USH2A: variants seen among roughly 807,000 people sequenced by gnomAD.
The protein encoded by USH2A is usherin.
Under a neutral mutation model 538.9 loss-of-function variants are expected in USH2A, and 443 were observed. The observed-to-expected ratio is 0.82, with a 90% CI of 0.76 to 0.89. USH2A has a LOEUF of 0.89. Ranked by LOEUF, USH2A falls within the 40% of genes least tolerant of loss-of-function variation. The pLI is 0.00. For synonymous variants in USH2A, 2,413 were observed against 2,273.5 expected (o/e 1.06, Z -1.75); for missense variants, 6,633 against 6,324.8 (o/e 1.05, Z -1.65).
intron 19 of USH2A, 85 bp from the exon 20 acceptor site, chr1:216,190,452 T>A: frequency 2.6e-6 from 4 of 1,547,766 alleles, no homozygotes; most frequent in Non-Finnish European, 2.6e-6. Context: ...CAAAGTTCCA[T>A]GAATTCAGAC....
intron 30 of USH2A, among the ~76,000 whole-genome samples, chr1:216,059,738 G>A (rs1392800569): frequency 1.3e-5 from 2 of 152,076 alleles, no homozygotes; most frequent in African/African-American, 4.8e-5. Flanking sequence ...TCTTGTAATT[G>A]AGAATTGGGT....
At chr1:216,052,365 A>G (rs2030817067) in intron 30 of USH2A, among the ~76,000 whole-genome samples, 1 of 57,482 alleles carries the variant, frequency 1.7e-5, no homozygotes, top group Non-Finnish European at 5.2e-5. Context: ...AAACAAAGGA[A>G]AAAAAAAAAA....
At position 215,759,957 on chromosome 1, in the gene USH2A, A is replaced by G. The variant is rs996006589; in HGVS notation, c.11048-114T>C. 2.0e-5 allele frequency: 24 copies of G among 1,210,566 alleles called. No homozygotes were observed. In the African/African-American group the frequency reaches 2.7e-4, roughly 14 times the overall value. The allele number at this position is 1,210,566 out of a possible 1,614,324, so 75.0% of individuals were successfully genotyped here. The stretch of plus-strand genomic sequence containing the variant: ...ATTTTTTCTGTTGATTTTAAAAAAT[A>G]TCTAACTGTATGGAACAAAAATACA... On this transcript the variant is annotated intron_variant, in intron 56 of 71. Coordinates refer to ENST00000307340, the MANE Select transcript of USH2A (RefSeq NM_206933.4).
At chr1:215,847,674 A>C (rs1470542543) in intron 44 of USH2A, among the ~76,000 whole-genome samples, 1 of 151,920 alleles carries the variant, frequency 6.6e-6, no homozygotes, top group African/African-American at 2.4e-5. Flanking sequence ...AAAAAGTTAA[A>C]CAGCATTAGT....
At chr1:215,841,865 C>CA (rs907021636) in intron 46 of USH2A, among the ~76,000 whole-genome samples, 10 of 151,304 alleles carry the variant, frequency 6.6e-5, no homozygotes, top group South Asian at 2.1e-4. Flanking sequence ...ACAACCCCAT[C>CA]AAAAAAAATG....
chr1:216,159,894 T>C (rs1418011534), intron 21 of USH2A, among the ~76,000 whole-genome samples: 1 of 152,086 alleles, frequency 6.6e-6, no homozygotes, highest in African/African-American at 2.4e-5. Flanking sequence ...ATTTGGAGAT[T>C]TTTCTCCCAT....
chr1:216,415,639 A>C (rs952591578), intron 3 of USH2A, among the ~76,000 whole-genome samples: 1 of 150,014 alleles, frequency 6.7e-6, no homozygotes, highest in Non-Finnish European at 1.5e-5. Context: ...TTTAGCCCCA[A>C]CCTCCTGAGT....
chr1:216,416,657 T>TAGGCA (rs2039582011), intron 3 of USH2A, among the ~76,000 whole-genome samples: 1 of 152,158 alleles, frequency 6.6e-6, no homozygotes, highest in Non-Finnish European at 1.5e-5. Context: ...ATAATGCTGA[T>TAGGCA]TTCAGTAGGC....
chr1:215,766,746 C>T lies in USH2A; in HGVS notation c.10982G>A (p.Cys3661Tyr), dbSNP rs1321836209. 1 of 1,613,644 alleles carries T rather than the reference C, an allele frequency of 6.2e-7. No homozygotes were observed. Among genetic ancestry groups the T allele is most frequent in the Non-Finnish European group, 8.5e-7 (1 of 1,179,640 alleles). The change falls in exon 56 of 72, where the codon TGT (cysteine) becomes TAT (tyrosine). Residue 3661 changes from cysteine to tyrosine, a missense_variant. Coordinates refer to ENST00000307340, the MANE Select transcript of USH2A (RefSeq NM_206933.4). ...GCTTGAAGTGCACCCAGCAGATGTA[C>T]AAGCTGTAAGAGTGAAGCTGTAGTT... The part of the protein sequence containing the change: ...YTNYSFTLTA[C>Y]TSAGCTSSEP...
At chr1:215,654,924 G>T (rs1657193641) in intron 64 of USH2A, among the ~76,000 whole-genome samples, 1 of 152,280 alleles carries the variant, frequency 6.6e-6, no homozygotes, top group Admixed American at 6.5e-5. Context: ...TAATTACATG[G>T]AGTGTCAACA....
chr1:216,027,753 G>T (rs1669004692), intron 32 of USH2A, among the ~76,000 whole-genome samples: 1 of 151,996 alleles, frequency 6.6e-6, no homozygotes, highest in African/African-American at 2.4e-5. Flanking sequence ...AAAAACTGAA[G>T]TTAACATTTG....
chr1:216,263,575 T>C (rs2036416082), intron 11 of USH2A, among the ~76,000 whole-genome samples: 1 of 152,138 alleles, frequency 6.6e-6, no homozygotes, highest in Admixed American at 6.6e-5. Flanking sequence ...CAACATCCCT[T>C]TATGCTAAAA....
chr1:216,287,593 G>A (rs2036911822), intron 11 of USH2A, among the ~76,000 whole-genome samples: 1 of 151,940 alleles, frequency 6.6e-6, no homozygotes, highest in Non-Finnish European at 1.5e-5. Context: ...AGGTTGTCTA[G>A]CATCCCTATA....
rs1490356288 is a variant in USH2A, at chr1:215,675,358, T to C, written c.12553A>G (p.Ile4185Val). 1.2e-6 allele frequency: 2 copies of C among 1,614,172 alleles called. No individual in the cohort carries two copies. Among genetic ancestry groups the C allele is most frequent in the Admixed American group, 3.3e-5 (2 of 60,016 alleles). ...CTGCGAATCACTTCATAGCGAATTATTTTTCCATTTGGGTTAACAGGCTCA... is the reference window on the plus strand; with the variant it reads ...CTGCGAATCACTTCATAGCGAATTACTTTTCCATTTGGGTTAACAGGCTCA... ...WSEPVNPNGK[I>V]IRYEVIRRCF... The change falls in exon 63 of 72, where the codon ATA becomes GTA. Residue 4185 changes from isoleucine to valine, a missense_variant. Ile to Val is a conservative substitution (Grantham distance 29). Coordinates refer to ENST00000307340, the MANE Select transcript of USH2A (RefSeq NM_206933.4).
intron 56 of USH2A, among the ~76,000 whole-genome samples, chr1:215,764,152 T>C (rs970539687): frequency 2.0e-5 from 3 of 152,086 alleles, no homozygotes; most frequent in Non-Finnish European, 2.9e-5. Flanking sequence ...AGCTTTAGTA[T>C]TTGGTAGCTC....
At chr1:216,167,905 AT>A (rs1234559831) in intron 21 of USH2A, among the ~76,000 whole-genome samples, 1 of 152,068 alleles carries the variant, frequency 6.6e-6, no homozygotes, top group Non-Finnish European at 1.5e-5. Flanking sequence ...CTTCTAAAAC[AT>A]TTCTTTAGAG....
At chr1:215,663,766 C>G (rs982631608) in intron 64 of USH2A, among the ~76,000 whole-genome samples, 1 of 152,008 alleles carries the variant, frequency 6.6e-6, no homozygotes, top group Non-Finnish European at 1.5e-5. Flanking sequence ...GTTATATGGG[C>G]GAAGTGGTTT....
chr1:216,202,023 A>C (rs532784208), intron 16 of USH2A, among the ~76,000 whole-genome samples: 3 of 152,208 alleles, frequency 2.0e-5, no homozygotes, highest in Non-Finnish European at 2.9e-5. Flanking sequence ...TATTTACTAG[A>C]TTAGATTAAA....
At chr1:216,198,605 A>G (rs1299438546) in intron 17 of USH2A, 21 bp from the exon 18 acceptor site, 1 of 1,605,638 alleles carries the variant, frequency 6.2e-7, no homozygotes, top group Non-Finnish European at 8.5e-7. Flanking sequence ...TAAATAGTGA[A>G]CCTACGTAAC....
Sources: gnomAD v4.1 joint callset for allele counts (sites outside exome capture counted in the v4.1 genomes callset) on GRCh38, gnomAD v4.1.1 for gene constraint, MANE v1.5 for transcripts, NCBI Gene and HGNC (gene_info 2026-07-23, HGNC 2026-07-21) for gene names.